Variants in DICER1 observed in about 807,000 individuals in gnomAD.
DICER1 encodes the protein endoribonuclease Dicer.
Under a neutral mutation model 194.1 loss-of-function variants are expected in DICER1, and 43 were observed. The ratio of observed to expected loss-of-function variants is 0.22; its 90% CI spans 0.17 to 0.29. The LOEUF is 0.29. Ranked by LOEUF, DICER1 falls within the 10% of genes least tolerant of loss-of-function variation. DICER1 has a pLI of 1.00. For missense variants in DICER1, 1,608 were observed against 2,317.0 expected (o/e 0.69, Z 6.28); for synonymous variants, 832 against 820.5 (o/e 1.01, Z -0.24).
intron 1 of DICER1, among the ~76,000 whole-genome samples, chr14:95,148,798 C>T (rs560802518): frequency 5.3e-5 from 8 of 152,308 alleles, no homozygotes; most frequent in Middle Eastern, 3.4e-3. Flanking sequence ...GATACCCACC[C>T]CTCCCCTTCA....
intron 1 of DICER1, among the ~76,000 whole-genome samples, chr14:95,153,146 G>C (rs1212762313): frequency 6.6e-6 from 1 of 152,040 alleles, no homozygotes. Flanking sequence ...GAGCCCAGGA[G>C]GCGGAGCTTG....
chr14:95,105,642 A>G lies in DICER1; in HGVS notation c.3093+36T>C, dbSNP rs534059680. ...CTTTAATAATCTTTAATACTCAAAC[A>G]AATACTAAGTTATGCTAGTACAATT... On this transcript the variant is annotated intron_variant, in intron 19 of 26. Transcript: ENST00000343455. This position sits in a 1 kb window ranked among gnomAD's most constrained non-coding sequence, Gnocchi z 4.9. The G allele has an allele frequency of 1.9e-5, 27 of 1,403,068 alleles. No homozygotes were observed. The South Asian group carries it at 3.1e-4, about 16-fold the overall frequency. The allele number at this position is 1,403,068 out of a possible 1,614,324, so 86.9% of individuals were successfully genotyped here. A position where few individuals can be genotyped will look rare whatever the true frequency, so the allele number is the denominator to read the frequency against.
Position 95,107,863 on chromosome 14 carries a change from A to G in DICER1, c.2650+17T>C, listed in dbSNP as rs542022356. The stretch of plus-strand genomic sequence containing the variant: ...ATATGTGTCTAGAGTTATCAAAGTA[A>G]GAGATTTTTTTCTTACCAACATTAA... On this transcript the variant is annotated intron_variant, in intron 16 of 26. Transcript: ENST00000343455. 58 of 1,611,272 alleles carry G rather than the reference A, an allele frequency of 3.6e-5. 1 individual carries two copies. The South Asian group carries it at 6.2e-4, about 17-fold the overall frequency.
intron 1 of DICER1, chr14:95,141,067 G>T (rs1274598659): frequency 1.3e-5 from 2 of 152,094 alleles, no homozygotes; most frequent in East Asian, 3.9e-4. Flanking sequence ...TCTAAAGATG[G>T]TATTTTATAG....
At chr14:95,113,318 CT>C in intron 11 of DICER1, 94 bp from the exon 12 acceptor site, 1 of 1,213,772 alleles carries the variant, frequency 8.2e-7, no homozygotes, top group African/African-American at 1.5e-5. Flanking sequence ...GCCTCTTCCC[CT>C]CTACTGAATT....
chr14:95,148,786 C>A (rs1338320057), intron 1 of DICER1, among the ~76,000 whole-genome samples: 1 of 152,224 alleles, frequency 6.6e-6, no homozygotes, highest in African/African-American at 2.4e-5. Context: ...CAAAACAGCA[C>A]AGATACCCAC....
rs573135025 is a variant in DICER1, at chr14:95,087,741, AATC to A, written c.*2754_*2756del. ...GGTTCATGTTAACTAACTTGCACAC[AATC>A]ATCATAAGGAATTTCTGCAGTTGCT... On this transcript the variant is annotated 3_prime_UTR_variant, in exon 27 of 27. Transcript: ENST00000343455. 55 of 233,276 alleles carry A rather than the reference AATC, an allele frequency of 2.4e-4. No homozygotes were observed. In the East Asian group the frequency reaches 3.3e-3, roughly 14 times the overall value. The allele number at this position is 233,276 out of a possible 1,614,324, so 14.5% of individuals were successfully genotyped here. A position where few individuals can be genotyped will look rare whatever the true frequency, so the allele number is the denominator to read the frequency against.
chr14:95,143,349 A>G (rs1894936609), intron 1 of DICER1, among the ~76,000 whole-genome samples: 1 of 152,204 alleles, frequency 6.6e-6, no homozygotes, highest in African/African-American at 2.4e-5. Context: ...CCTGCTGAAA[A>G]TAAAAGGGAA....
chr14:95,146,977 G>A (rs1202051167), intron 1 of DICER1, among the ~76,000 whole-genome samples: 2 of 151,944 alleles, frequency 1.3e-5, no homozygotes, highest in Non-Finnish European at 2.9e-5. Flanking sequence ...AGAGGAAGGA[G>A]GTGAGAGAAA....
At chr14:95,111,161 T>G (rs2140064434) in intron 14 of DICER1, 156 bp downstream of exon 14, 1 of 805,852 alleles carries the variant, frequency 1.2e-6, no homozygotes, top group East Asian at 2.5e-5. Flanking sequence ...GAGGCTGATC[T>G]GAGAGAAGCT....
chr14:95,130,735 CA>C (rs1893882466), intron 4 of DICER1, among the ~76,000 whole-genome samples: 1 of 152,132 alleles, frequency 6.6e-6, no homozygotes, highest in Non-Finnish European at 1.5e-5. Context: ...ACCAACACAC[CA>C]AAAGCCCCAG....
intron 1 of DICER1, chr14:95,140,527 C>T (rs1253371137): frequency 2.6e-5 from 4 of 152,138 alleles, no homozygotes; most frequent in Non-Finnish European, 1.5e-5. Context: ...CACACAATGA[C>T]AAAATCGCCT....
At chr14:95,131,397 T>A in intron 4 of DICER1, 112 bp downstream of exon 4, 2 of 1,001,608 alleles carry the variant, frequency 2.0e-6, no homozygotes, top group South Asian at 2.7e-5. Flanking sequence ...TGATTAAGTA[T>A]AGGAAATTAG....
intron 24 of DICER1, 32 bp from the exon 25 acceptor site, chr14:95,091,397 AAAAG>A: frequency 6.2e-7 from 1 of 1,608,718 alleles, no homozygotes. Context: ...CTTGTAAGCA[AAAAG>A]GCCACTTTTA....
At chr14:95,132,030 G>A (rs1244802141) in intron 3 of DICER1, among the ~76,000 whole-genome samples, 1 of 152,132 alleles carries the variant, frequency 6.6e-6, no homozygotes, top group Non-Finnish European at 1.5e-5. Context: ...TGCCCTACCA[G>A]CTTAGGTTCA....
chr14:95,141,748 C>T (rs778821698), intron 1 of DICER1: 2 of 152,158 alleles, frequency 1.3e-5, no homozygotes, highest in Non-Finnish European at 2.9e-5. Flanking sequence ...CCCTAGGTAA[C>T]CTAAAAGCAA....
chr14:95,091,645 C>A (rs1248841537), intron 24 of DICER1, among the ~76,000 whole-genome samples: 1 of 152,074 alleles, frequency 6.6e-6, no homozygotes, highest in Non-Finnish European at 1.5e-5. Flanking sequence ...TTTAAACAAC[C>A]TTAACAAAGA....
At chr14:95,119,270 A>T (rs1892744342) in intron 8 of DICER1, among the ~76,000 whole-genome samples, 1 of 152,252 alleles carries the variant, frequency 6.6e-6, no homozygotes, top group African/African-American at 2.4e-5. Context: ...AATAGAGGCA[A>T]CAACAGTCAA....
Position 95,096,626 on chromosome 14 carries a change from G to A in DICER1, c.4294C>T (p.Pro1432Ser), listed in dbSNP as rs1555367862. ...TCTTCATAGTCAGCCTCTTCCTTCG[G>A]AGCCCTCCACATCAGGCTCTCCTCC... ...EEEESLMWRA[P>S]KEEADYEDDF... The change falls in exon 23 of 27, where the codon CCG (proline) becomes TCG (serine). Residue 1432 changes from proline to serine, a missense_variant. Transcript: ENST00000343455. The A allele has an allele frequency of 6.2e-7, 1 of 1,611,938 alleles. No homozygotes were observed. The highest frequency in any genetic ancestry group is 8.5e-7 in the Non-Finnish European group (1 of 1,179,058).
Sources: allele counts gnomAD v4.1 joint callset (sites outside exome capture counted in the v4.1 genomes callset), GRCh38; gene constraint gnomAD v4.1.1; non-coding constraint Gnocchi (gnomAD v3.1); transcripts MANE v1.5; gene names NCBI Gene and HGNC (gene_info 2026-07-23, HGNC 2026-07-21).